The following SYT16 variants were observed in gnomAD, a reference collection of about 807,000 sequenced individuals.
The protein encoded by SYT16 is synaptotagmin-16.
Under a neutral mutation model 61.4 loss-of-function variants are expected in SYT16, and 42 were observed. The observed-to-expected ratio is 0.68, with a 90% CI of 0.53 to 0.89. The LOEUF (loss-of-function observed/expected upper bound fraction) is 0.89. Ranked by LOEUF, SYT16 falls within the 40% of genes least tolerant of loss-of-function variation. The probability of loss-of-function intolerance (pLI) is 0.00; values close to 1 mark genes in which losing one functional copy is unlikely to be tolerated. For missense variants in SYT16, 804 were observed against 807.3 expected, an observed-to-expected ratio of 1.00 and a Z score of 0.05; for synonymous variants, 314 against 302.3, an observed-to-expected ratio of 1.04 and a Z score of -0.40.
At chr14:61,813,117 C>T (rs904911639) in intron 1 of SYT16, among the ~76,000 whole-genome samples, 2 of 152,384 alleles carry the variant, frequency 1.3e-5, no homozygotes, top group Middle Eastern at 3.4e-3. Flanking sequence ...CAGAGCCAGC[C>T]TTCAGCGAGC....
At position 62,101,003 on chromosome 14, in the gene SYT16, GGTGAAGCTTCTTCT is replaced by G; in HGVS notation, c.*298_*311del. On this transcript the variant is annotated 3_prime_UTR_variant, in exon 8 of 8. Transcript: ENST00000683842. ...CATTGAGTTTTAGTTCAGGGTATGG[GGTGAAGCTTCTTCT>G]GCTGTCTCTGTTTGCTTGAAGAGTA... The G allele has an allele frequency of 3.8e-6, 1 of 261,106 alleles. No individual in the cohort carries two copies. The highest frequency in any genetic ancestry group is 7.3e-6 in the Non-Finnish European group (1 of 137,502). The allele number at this position is 261,106 out of a possible 1,614,324, so 16.2% of individuals were successfully genotyped here. A position where few individuals can be genotyped will look rare whatever the true frequency, so the allele number is the denominator to read the frequency against.
chr14:61,832,346 G>A, intron 1 of SYT16: 1 of 573,352 alleles, frequency 1.7e-6, no homozygotes, highest in Non-Finnish European at 3.5e-6. Context: ...TGCCAACTAG[G>A]CTAACTACCC....
intron 3 of SYT16, among the ~76,000 whole-genome samples, chr14:62,059,389 GGTTGT>G (rs1468101836): frequency 6.6e-6 from 1 of 151,884 alleles, no homozygotes; most frequent in Non-Finnish European, 1.5e-5. Flanking sequence ...AAATTTTGTT[GGTTGT>G]GTTATTTATG....
chr14:62,058,672 T>C (rs193294364), intron 3 of SYT16, among the ~76,000 whole-genome samples: 1 of 152,254 alleles, frequency 6.6e-6, no homozygotes, highest in East Asian at 1.9e-4. Context: ...CCTAAATTCT[T>C]AAGAAACTGC....
intron 1 of SYT16, among the ~76,000 whole-genome samples, chr14:61,908,026 C>T (rs1271228916): frequency 6.6e-6 from 1 of 152,218 alleles, no homozygotes; most frequent in Non-Finnish European, 1.5e-5. Context: ...ACTTTGAGAA[C>T]CTGTTGATCA....
chr14:61,918,519 T>G (rs2049205882), intron 1 of SYT16, among the ~76,000 whole-genome samples: 1 of 152,186 alleles, frequency 6.6e-6, no homozygotes, highest in African/African-American at 2.4e-5. Context: ...TATATTCTTA[T>G]GTTGAAAATA....
intron 1 of SYT16, among the ~76,000 whole-genome samples, chr14:61,898,057 T>C (rs1305413037): frequency 2.6e-5 from 4 of 152,198 alleles, no homozygotes; most frequent in African/African-American, 9.7e-5. Flanking sequence ...TCTGGTTCTT[T>C]TTACTTTTCC....
At chr14:62,002,587 T>C (rs556036109) in intron 3 of SYT16, among the ~76,000 whole-genome samples, 75 of 152,258 alleles carry the variant, frequency 4.9e-4, no homozygotes, top group African/African-American at 1.8e-3. Context: ...GTCTTGAGGT[T>C]AGGACGTTCT....
chr14:62,058,436 C>A (rs961931920), intron 3 of SYT16, among the ~76,000 whole-genome samples: 1 of 150,434 alleles, frequency 6.6e-6, no homozygotes, highest in African/African-American at 2.4e-5. Context: ...CGGCTCACTG[C>A]AACCTCCGCG....
At chr14:61,969,353 G>A (rs2051446611) in intron 1 of SYT16, among the ~76,000 whole-genome samples, 1 of 152,104 alleles carries the variant, frequency 6.6e-6, no homozygotes, top group African/African-American at 2.4e-5. Flanking sequence ...CTCTGAACTA[G>A]CTTCTCTGGT....
chr14:61,981,285 A>G (rs569482534), intron 2 of SYT16, among the ~76,000 whole-genome samples: 8 of 152,308 alleles, frequency 5.3e-5, no homozygotes, highest in African/African-American at 1.7e-4. Context: ...CCAGACTAAC[A>G]TTTGACCAAA....
intron 3 of SYT16, among the ~76,000 whole-genome samples, chr14:62,033,106 A>G (rs1398425423): frequency 6.6e-6 from 1 of 152,130 alleles, no homozygotes; most frequent in African/African-American, 2.4e-5. Flanking sequence ...AAAATACAAT[A>G]TAGAAAATAA....
intron 3 of SYT16, among the ~76,000 whole-genome samples, chr14:62,030,224 A>AT (rs1324731370): frequency 6.6e-6 from 1 of 152,062 alleles, no homozygotes; most frequent in Non-Finnish European, 1.5e-5. Context: ...GATTAAAGCC[A>AT]TTTTTGCCAA....
In SYT16 at chr14:62,015,184, T is replaced by A. The variant is rs115844758; in HGVS notation, c.523+18642T>A. On this transcript the variant is annotated intron_variant, in intron 3 of 7. Transcript: ENST00000683842. ...ATTTTATATTGTATCTAAATTTTTT[T>A]ATGGATGTACCCACTCAAATCTGTA... Among the ~76,000 whole-genome samples the A allele has an allele frequency of 4.7e-3, 716 of 152,340 alleles. 4 individuals are homozygous for A. Among genetic ancestry groups the A allele is most frequent in the African/African-American group, 0.016 (683 of 41,564 alleles).
chr14:62,082,033 G>A (rs1170606538), intron 6 of SYT16, among the ~76,000 whole-genome samples: 1 of 152,200 alleles, frequency 6.6e-6, no homozygotes, highest in African/African-American at 2.4e-5. Flanking sequence ...AGTAGGCAAG[G>A]AGACAGAGTG....
chr14:61,840,622 A>G (rs1477326874), intron 1 of SYT16, among the ~76,000 whole-genome samples: 1 of 152,070 alleles, frequency 6.6e-6, no homozygotes, highest in African/African-American at 2.4e-5. Flanking sequence ...TTTATTAGGA[A>G]GACAATTTTA....
intron 3 of SYT16, among the ~76,000 whole-genome samples, chr14:62,064,716 T>G (rs902263743): frequency 6.6e-6 from 1 of 152,176 alleles, no homozygotes; most frequent in African/African-American, 2.4e-5. Context: ...TAAACTGTTA[T>G]GACTGTGGCA....
At chr14:61,980,881 T>A (rs534471635) in intron 2 of SYT16, among the ~76,000 whole-genome samples, 3 of 152,184 alleles carry the variant, frequency 2.0e-5, no homozygotes, top group South Asian at 2.1e-4. Context: ...AAACTGAAAA[T>A]TCTGTAATGG....
chr14:61,884,110 G>A (rs1407562625), intron 1 of SYT16, among the ~76,000 whole-genome samples: 1 of 152,156 alleles, frequency 6.6e-6, no homozygotes, highest in Admixed American at 6.5e-5. Context: ...TGCCACTCCT[G>A]TATCCTCTAC....
Sources: allele counts gnomAD v4.1 joint callset (sites outside exome capture counted in the v4.1 genomes callset), GRCh38; gene constraint gnomAD v4.1.1; transcripts MANE v1.5; gene names NCBI Gene and HGNC (gene_info 2026-07-23, HGNC 2026-07-21).